Variants in NTM observed in about 807,000 individuals in gnomAD.
The protein encoded by NTM is IgLON family member 2.
A neutral mutation model predicts 42.1 loss-of-function variants in NTM; 13 were observed. The observed-to-expected ratio is 0.31, with a 90% CI of 0.20 to 0.49. The LOEUF is 0.49. Ranked by LOEUF, NTM falls within the 20% of genes least tolerant of loss-of-function variation. The pLI, the probability that NTM is intolerant of heterozygous loss-of-function variation, is 0.99. For synonymous variants in NTM, 187 were observed against 179.2 expected, an observed-to-expected ratio of 1.04 and a Z score of -0.35; for missense variants, 373 against 452.8, an observed-to-expected ratio of 0.82 and a Z score of 1.60.
intron 4 of NTM, among the ~76,000 whole-genome samples, chr11:132,213,449 G>T (rs1035223042): frequency 4.6e-5 from 7 of 152,014 alleles, no homozygotes; most frequent in African/African-American, 1.7e-4. Context: ...TGTGGGCCAG[G>T]CATCTCTCTT....
chr11:131,789,753 A>G lies in NTM; in HGVS notation c.83-121811A>G, dbSNP rs181119253. On this transcript the variant is annotated intron_variant, in intron 1 of 8. Transcript: ENST00000683400. ...AGGCGGATCACGAGGTCAGGAGATC[A>G]AGACCATCCTGGCTAACACGGTGAA... 3.2e-3 allele frequency among the ~76,000 whole-genome samples: 482 copies of G among 149,982 alleles called. 7 individuals carry two copies. The highest frequency in any genetic ancestry group is 0.017 in the Middle Eastern group (5 of 292).
At chr11:132,237,582 C>T (rs56255127) in intron 4 of NTM, among the ~76,000 whole-genome samples, 19,072 of 152,198 alleles carry the variant, frequency 0.13, 1,523 homozygotes, top group East Asian at 0.21. Flanking sequence ...CTGACAAAGC[C>T]GCACTCAGTC....
rs1220897872 is a variant in NTM, at chr11:132,001,481, C to T, written c.167+89833C>T. Among the ~76,000 whole-genome samples, 6 of 152,078 alleles carry T rather than the reference C, an allele frequency of 3.9e-5. 1 individual carries two copies. Among genetic ancestry groups the T allele is most frequent in the Admixed American group, 2.0e-4 (3 of 15,266 alleles). On this transcript the variant is annotated intron_variant, in intron 2 of 8. Coordinates refer to ENST00000683400, the MANE Select transcript of NTM (RefSeq NM_001352005.2). ...GCTGTACAGGAAGCAAAGCATGGCA[C>T]CGGCATCTGCTTGGCTTCTGGGGAG...
intron 1 of NTM, among the ~76,000 whole-genome samples, chr11:131,640,330 G>A (rs1015012692): frequency 6.6e-6 from 1 of 152,190 alleles, no homozygotes; most frequent in Non-Finnish European, 1.5e-5. Flanking sequence ...AATAAAGGTT[G>A]AGATGCATAT....
intron 1 of NTM, chr11:131,385,437 C>T (rs1332237601): frequency 2.6e-5 from 4 of 152,088 alleles, no homozygotes; most frequent in Admixed American, 2.0e-4. Context: ...TAGGATATCG[C>T]TGATGAAATA....
In NTM at chr11:132,087,136, CCTT is replaced by C. The variant is rs144072404; in HGVS notation, c.168-59140_168-59138del. ...GAGAAAAGAAAAAAACGTCCTTTTT[CCTT>C]CTTCTGTCCTTATATTCCCAAGTCC... is the stretch of plus-strand genomic sequence containing the variant. On this transcript the variant is annotated intron_variant, in intron 2 of 8. Transcript: ENST00000683400. 6.1e-3 allele frequency among the ~76,000 whole-genome samples: 929 copies of C among 152,180 alleles called. 13 individuals are homozygous for C. Among genetic ancestry groups the C allele is most frequent in the African/African-American group, 0.022 (900 of 41,510 alleles).
At chr11:132,152,478 A>G (rs2072180044) in intron 3 of NTM, among the ~76,000 whole-genome samples, 2 of 152,224 alleles carry the variant, frequency 1.3e-5, no homozygotes, top group African/African-American at 4.8e-5. Context: ...ATAGATGAAA[A>G]TGTATATTTG....
intron 1 of NTM, among the ~76,000 whole-genome samples, chr11:131,907,661 G>A (rs1767117972): frequency 6.6e-6 from 1 of 152,222 alleles, no homozygotes; most frequent in African/African-American, 2.4e-5. Flanking sequence ...GTGGGAAAGA[G>A]GGTGGAGGTG....
At chr11:131,632,393 T>G (rs1051688809) in intron 1 of NTM, among the ~76,000 whole-genome samples, 7 of 152,190 alleles carry the variant, frequency 4.6e-5, no homozygotes, top group African/African-American at 7.2e-5. Context: ...ATCCATAGTC[T>G]TACTTCTTCA....
intron 2 of NTM, among the ~76,000 whole-genome samples, chr11:132,004,626 T>TCACA (rs1229745116): frequency 0.031 from 4,697 of 150,032 alleles, 237 homozygotes; most frequent in African/African-American, 0.11. Context: ...TCTCTCTCTC[T>TCACA]CTCTCTCTCA....
intron 1 of NTM, among the ~76,000 whole-genome samples, chr11:131,786,515 T>C (rs2136058317): frequency 6.6e-6 from 1 of 152,300 alleles, no homozygotes; most frequent in African/African-American, 2.4e-5. Context: ...TCAGCTTTAT[T>C]TAATGACCCA....
chr11:131,878,186 A>G (rs1426220083), intron 1 of NTM: 2 of 152,094 alleles, frequency 1.3e-5, no homozygotes, highest in South Asian at 2.1e-4. Flanking sequence ...GAAGAAACCG[A>G]AGTGGGATTC....
chr11:131,954,735 A>T (rs894466612), intron 2 of NTM, among the ~76,000 whole-genome samples: 2 of 152,140 alleles, frequency 1.3e-5, no homozygotes, highest in African/African-American at 4.8e-5. Flanking sequence ...CCCCATCCAC[A>T]TTCGTCATTG....
chr11:131,652,475 G>A (rs180736182), intron 1 of NTM, among the ~76,000 whole-genome samples: 2 of 152,178 alleles, frequency 1.3e-5, no homozygotes, highest in East Asian at 1.9e-4. Flanking sequence ...ACAGAAGAAC[G>A]AGAGGCTTCA....
At chr11:131,749,593 G>A (rs1245956985) in intron 1 of NTM, among the ~76,000 whole-genome samples, 2 of 151,978 alleles carry the variant, frequency 1.3e-5, no homozygotes, top group Non-Finnish European at 2.9e-5. Context: ...CTGTTTTTTT[G>A]TTTGTTTTCT....
At chr11:132,054,456 T>A (rs1007280240) in intron 2 of NTM, among the ~76,000 whole-genome samples, 10 of 152,246 alleles carry the variant, frequency 6.6e-5, no homozygotes, top group African/African-American at 2.4e-4. Flanking sequence ...CGTAGTCCTA[T>A]TCAGTGAAAA....
intron 2 of NTM, among the ~76,000 whole-genome samples, chr11:131,985,641 G>A (rs1458036537): frequency 3.3e-5 from 5 of 152,132 alleles, no homozygotes; most frequent in Non-Finnish European, 7.3e-5. Context: ...GGGAGAGCAC[G>A]CGGCGTCATA....
intron 3 of NTM, among the ~76,000 whole-genome samples, chr11:132,190,148 A>C (rs2079069402): frequency 6.6e-6 from 1 of 152,146 alleles, no homozygotes; most frequent in Non-Finnish European, 1.5e-5. Context: ...GAGTGTGCAC[A>C]ATACAAGGTT....
At chr11:132,119,509 ATGGTCTG>A (rs2064422116) in intron 2 of NTM, among the ~76,000 whole-genome samples, 1 of 152,190 alleles carries the variant, frequency 6.6e-6, no homozygotes, top group Non-Finnish European at 1.5e-5. Context: ...CAGTGATGAT[ATGGTCTG>A]TGAAGTCTGA....
Sources: allele counts gnomAD v4.1 joint callset (sites outside exome capture counted in the v4.1 genomes callset), GRCh38; gene constraint gnomAD v4.1.1; transcripts MANE v1.5; gene names NCBI Gene and HGNC (gene_info 2026-07-23, HGNC 2026-07-21).